Variants in ASIC2 observed in about 807,000 individuals in gnomAD.
The protein encoded by ASIC2 is acid-sensing ion channel 2.
ASIC2 carries 25 observed loss-of-function variants against 57.3 expected under a neutral mutation model. The ratio of observed to expected loss-of-function variants is 0.44; its 90% CI spans 0.32 to 0.61. ASIC2 has a LOEUF of 0.61. Among genes scored for constraint, ASIC2 ranks in the 20% least tolerant of loss-of-function variants. ASIC2 has a pLI of 0.06. For missense variants in ASIC2, 641 were observed against 738.1 expected (o/e 0.87, Z 1.52); for synonymous variants, 319 against 307.5 (o/e 1.04, Z -0.39).
intron 1 of ASIC2, among the ~76,000 whole-genome samples, chr17:33,391,491 G>A (rs765617274): frequency 1.3e-5 from 2 of 152,176 alleles, no homozygotes; most frequent in Non-Finnish European, 2.9e-5. Flanking sequence ...CCTGCACTAA[G>A]CAAAAAGTTT....
chr17:33,989,494 G>T (rs1454405204), intron 1 of ASIC2, among the ~76,000 whole-genome samples: 1 of 150,454 alleles, frequency 6.6e-6, no homozygotes, highest in African/African-American at 2.5e-5. Flanking sequence ...TTGGTATCAG[G>T]CTAAGGAGGC....
intron 1 of ASIC2, among the ~76,000 whole-genome samples, chr17:33,571,024 G>A (rs1916417362): frequency 6.6e-6 from 1 of 152,182 alleles, no homozygotes; most frequent in Non-Finnish European, 1.5e-5. Context: ...CTTTTGATGG[G>A]AGGAGATCTA....
chr17:34,011,181 A>G (rs1252360541), intron 1 of ASIC2, among the ~76,000 whole-genome samples: 9 of 152,068 alleles, frequency 5.9e-5, no homozygotes, highest in Non-Finnish European at 1.3e-4. Flanking sequence ...TCAAACATGC[A>G]CAGATGCACA....
intron 1 of ASIC2, among the ~76,000 whole-genome samples, chr17:34,132,550 G>A (rs62054886): frequency 0.14 from 21,721 of 150,710 alleles, 1,947 homozygotes; most frequent in African/African-American, 0.26. Flanking sequence ...TGATTGGTGC[G>A]TTTTACAGAG....
chr17:33,801,640 C>T (rs889745362), intron 1 of ASIC2, among the ~76,000 whole-genome samples: 2 of 152,162 alleles, frequency 1.3e-5, no homozygotes, highest in African/African-American at 4.8e-5. Context: ...ATAATACATT[C>T]GAGACGCTTA....
At chr17:34,070,680 C>G (rs1909365514) in intron 1 of ASIC2, 1 of 152,338 alleles carries the variant, frequency 6.6e-6, no homozygotes, top group African/African-American at 2.4e-5. Flanking sequence ...CTCTCCCACC[C>G]CCACCACATG....
chr17:34,068,400 G>A (rs1219821084), intron 1 of ASIC2, among the ~76,000 whole-genome samples: 2 of 152,184 alleles, frequency 1.3e-5, no homozygotes, highest in Admixed American at 6.5e-5. Context: ...GCAGGAGGAA[G>A]GGAGATGCCT....
rs138541940 is a variant in ASIC2, at chr17:33,555,019, G to T, written c.556-442952C>A. On this transcript the variant is annotated intron_variant, in intron 1 of 9. Transcript: ENST00000359872. ...CCCATCATTATCTCCATTTCTAGGT[G>T]ATCAGTAAAAAGTGGATTTGAAGAT... Among the ~76,000 whole-genome samples the T allele has an allele frequency of 2.2e-4, 33 of 152,240 alleles. No individual in the cohort carries two copies. The East Asian group carries it at 6.2e-3, about 29-fold the overall frequency.
At chr17:33,692,107 T>C (rs570059662) in intron 1 of ASIC2, 2 of 152,262 alleles carry the variant, frequency 1.3e-5, no homozygotes, top group African/African-American at 4.8e-5. Flanking sequence ...CTGTATTCTA[T>C]ACACCATATT....
chr17:33,541,918 A>G (rs1230015832), intron 1 of ASIC2, among the ~76,000 whole-genome samples: 1 of 152,164 alleles, frequency 6.6e-6, no homozygotes, highest in Non-Finnish European at 1.5e-5. Flanking sequence ...TGCCCTTACA[A>G]GCTGTGATCT....
intron 1 of ASIC2, among the ~76,000 whole-genome samples, chr17:33,248,743 C>G (rs563392521): frequency 6.6e-6 from 1 of 152,226 alleles, no homozygotes; most frequent in Non-Finnish European, 1.5e-5. Flanking sequence ...TCACATTCTC[C>G]TCCTCTCTGT....
intron 2 of ASIC2, among the ~76,000 whole-genome samples, chr17:33,104,373 G>A (rs1320715445): frequency 6.6e-6 from 1 of 152,204 alleles, no homozygotes. Context: ...GGAAAAGGGA[G>A]AGGGATGCTT....
At chr17:34,155,887 A>T in intron 1 of ASIC2, 1 of 1,440,764 alleles carries the variant, frequency 6.9e-7, no homozygotes, top group South Asian at 1.4e-5. Flanking sequence ...CCTGTCCCAA[A>T]GCACAAGGAA....
At chr17:33,637,382 C>T (rs537212135) in intron 1 of ASIC2, among the ~76,000 whole-genome samples, 1 of 152,016 alleles carries the variant, frequency 6.6e-6, no homozygotes, top group East Asian at 1.9e-4. Context: ...CCCCACCCTA[C>T]CTTATGTCCA....
intron 1 of ASIC2, among the ~76,000 whole-genome samples, chr17:33,318,727 G>A (rs1214975512): frequency 6.6e-6 from 1 of 152,200 alleles, no homozygotes; most frequent in Non-Finnish European, 1.5e-5. Flanking sequence ...GGTCGTGTGT[G>A]TAAGGCACCC....
At chr17:33,914,594 A>G (rs1369730747) in intron 1 of ASIC2, among the ~76,000 whole-genome samples, 1 of 152,178 alleles carries the variant, frequency 6.6e-6, no homozygotes, top group Non-Finnish European at 1.5e-5. Context: ...CCAAGAATGA[A>G]GGCCATATGG....
intron 1 of ASIC2, among the ~76,000 whole-genome samples, chr17:33,279,716 C>T (rs1183003645): frequency 6.6e-6 from 1 of 152,116 alleles, no homozygotes; most frequent in Non-Finnish European, 1.5e-5. Flanking sequence ...AGCAAGACCC[C>T]AACTCTATAA....
chr17:33,715,341 T>C (rs1285098009), intron 1 of ASIC2, among the ~76,000 whole-genome samples: 1 of 152,068 alleles, frequency 6.6e-6, no homozygotes, highest in African/African-American at 2.4e-5. Flanking sequence ...AGAATGGAAA[T>C]AAGGCCCTGA....
chr17:33,751,620 C>T (rs1214720593), intron 1 of ASIC2, among the ~76,000 whole-genome samples: 2 of 152,086 alleles, frequency 1.3e-5, no homozygotes. Context: ...ACGTCTCCAT[C>T]CCTCACGCTT....
Sources: gnomAD v4.1 joint callset for allele counts (sites outside exome capture counted in the v4.1 genomes callset) on GRCh38, gnomAD v4.1.1 for gene constraint, MANE v1.5 for transcripts, NCBI Gene and HGNC (gene_info 2026-07-23, HGNC 2026-07-21) for gene names.